The following USP15 variants were observed in gnomAD, a reference collection of about 807,000 sequenced individuals.
USP15 encodes ubiquitin specific peptidase 15.
In USP15, 18 loss-of-function variants were observed where a neutral mutation model predicts 127.1. The ratio of observed to expected loss-of-function variants is 0.14; its 90% confidence interval spans 0.10 to 0.21. The LOEUF is 0.21. Ranked by LOEUF, USP15 falls within the 10% of genes least tolerant of loss-of-function variation. USP15 has a pLI of 1.00. For missense variants in USP15, 805 were observed against 1,159.9 expected, an observed-to-expected ratio of 0.69 and a Z score of 4.44; for synonymous variants, 364 against 393.7, an observed-to-expected ratio of 0.92 and a Z score of 0.89.
chr12:62,290,004 T>A (rs1315947160), intron 1 of USP15, among the ~76,000 whole-genome samples: 1 of 152,144 alleles, frequency 6.6e-6, no homozygotes, highest in East Asian at 1.9e-4. Flanking sequence ...TAAAAAAAAA[T>A]TCTTTAAGAC....
At chr12:62,370,939 T>G (rs1014244764) in intron 8 of USP15, among the ~76,000 whole-genome samples, 2 of 152,198 alleles carry the variant, frequency 1.3e-5, no homozygotes, top group Admixed American at 6.5e-5. Flanking sequence ...TTATCCCAAG[T>G]CCTGTTCATT....
At chr12:62,350,317 A>G (rs144242597) in intron 7 of USP15, among the ~76,000 whole-genome samples, 1 of 152,126 alleles carries the variant, frequency 6.6e-6, no homozygotes, top group Admixed American at 6.6e-5. Context: ...TTTATTTTCT[A>G]ACAGCTCAGA....
intron 1 of USP15, among the ~76,000 whole-genome samples, chr12:62,267,769 T>C (rs937249122): frequency 3.9e-5 from 6 of 152,108 alleles, no homozygotes; most frequent in African/African-American, 1.2e-4. Flanking sequence ...ATTCTAAGTT[T>C]AGAGCCAGTT....
At chr12:62,298,994 T>G (rs2064219391) in intron 2 of USP15, among the ~76,000 whole-genome samples, 1 of 152,102 alleles carries the variant, frequency 6.6e-6, no homozygotes, top group Non-Finnish European at 1.5e-5. Context: ...TTGTACCCAT[T>G]AAGAATCACA....
rs180974504 is a variant in USP15, at chr12:62,345,470, G to A, written c.684-3751G>A. Among the ~76,000 whole-genome samples the A allele has an allele frequency of 1.3e-4, 20 of 152,102 alleles. No homozygotes were observed. The East Asian group carries it at 2.5e-3, about 19-fold the overall frequency. On this transcript the variant is annotated intron_variant, in intron 6 of 21. Transcript: ENST00000280377. ...AGGAAGTTTTAAACTTTCCCACATC[G>A]TCCTGTCTCCTGAGTCCTCCAAGTC...
chr12:62,381,429 G>A, intron 8 of USP15, 61 bp from the exon 9 acceptor site: 1 of 1,394,186 alleles, frequency 7.2e-7, no homozygotes, highest in Non-Finnish European at 9.6e-7. Flanking sequence ...TCATATTAAT[G>A]TGTTTTAAGA....
chr12:62,360,320 T>C (rs1257476410), intron 8 of USP15, among the ~76,000 whole-genome samples: 1 of 152,128 alleles, frequency 6.6e-6, no homozygotes, highest in Admixed American at 6.6e-5. Flanking sequence ...CAAGCATTTT[T>C]AAGGTCAGCT....
intron 6 of USP15, among the ~76,000 whole-genome samples, chr12:62,347,540 A>C (rs1252733089): frequency 2.0e-5 from 3 of 151,994 alleles, no homozygotes; most frequent in African/African-American, 7.2e-5. Context: ...ATTTATTATA[A>C]CTCAGTCTCT....
At chr12:62,279,646 A>G (rs67044039) in intron 1 of USP15, among the ~76,000 whole-genome samples, 34,134 of 152,058 alleles carry the variant, frequency 0.22, 4,171 homozygotes, top group African/African-American at 0.34. Flanking sequence ...GTTTTTTTCA[A>G]TAATAGCCAT....
chr12:62,319,711 A>G (rs1295326604), intron 4 of USP15, among the ~76,000 whole-genome samples: 1 of 152,180 alleles, frequency 6.6e-6, no homozygotes, highest in Non-Finnish European at 1.5e-5. Flanking sequence ...ATGAAGAGGA[A>G]ATTTCCACAT....
chr12:62,313,947 A>G (rs750107122), intron 3 of USP15: 44 of 599,116 alleles, frequency 7.3e-5, no homozygotes, highest in Middle Eastern at 8.5e-4. Flanking sequence ...CCCTTTTGCC[A>G]TATTTGTCTA....
chr12:62,353,997 G>A (rs2066041995), intron 7 of USP15, among the ~76,000 whole-genome samples: 1 of 151,868 alleles, frequency 6.6e-6, no homozygotes. Flanking sequence ...TCAGAGTTGA[G>A]GAGTTGACCT....
intron 1 of USP15, among the ~76,000 whole-genome samples, chr12:62,264,790 A>G (rs527601926): frequency 6.6e-6 from 1 of 152,362 alleles, no homozygotes; most frequent in African/African-American, 2.4e-5. Context: ...ATTACTCAAC[A>G]TGAATTTCAA....
At chr12:62,294,343 G>A (rs1182599557) in intron 2 of USP15, 37 bp downstream of exon 2, 6 of 1,585,346 alleles carry the variant, frequency 3.8e-6, no homozygotes, top group African/African-American at 2.7e-5. Flanking sequence ...TTGTAAATGT[G>A]TTAAATTTCA....
chr12:62,324,843 T>A (rs2065083877), intron 5 of USP15, among the ~76,000 whole-genome samples: 1 of 151,964 alleles, frequency 6.6e-6, no homozygotes, highest in South Asian at 2.1e-4. Context: ...AGGCTCTAAA[T>A]GCCAATTTAT....
chr12:62,369,213 A>C (rs1228529443), intron 8 of USP15, among the ~76,000 whole-genome samples: 1 of 152,256 alleles, frequency 6.6e-6, no homozygotes, highest in Non-Finnish European at 1.5e-5. Flanking sequence ...AGGCTGTATC[A>C]GGAGGGTGAA....
chr12:62,297,898 C>T (rs1009258163), intron 2 of USP15, among the ~76,000 whole-genome samples: 4 of 152,018 alleles, frequency 2.6e-5, no homozygotes, highest in Admixed American at 1.3e-4. Flanking sequence ...CTGAGTTACA[C>T]GAAAACATAG....
At chr12:62,303,497 T>C (rs4545612) in intron 3 of USP15, 50,309 of 151,772 alleles carry the variant, frequency 0.33, 8,887 homozygotes, top group African/African-American at 0.46. Flanking sequence ...GGTAAATGAG[T>C]GAACCTTACA....
chr12:62,393,156 C>A lies in USP15; in HGVS notation c.2524C>A (p.Arg842=). 1 of 1,613,760 alleles carries A rather than the reference C, an allele frequency of 6.2e-7. No homozygotes were observed. The part of the protein sequence containing the change: ...VVHLKRFSYS[R]YMRDKLDTLV... Reference sequence around the variant, plus strand: ...ACATCTCAAGCGATTTTCTTACAGTCGATACATGAGAGACAAGTTGGATAC... The same window carrying A: ...ACATCTCAAGCGATTTTCTTACAGTAGATACATGAGAGACAAGTTGGATAC... Residue 842 remains arginine (R), a synonymous_variant, in exon 19 of 22, where the codon CGA becomes AGA. Coordinates refer to ENST00000280377, the MANE Select transcript of USP15 (RefSeq NM_001252078.2).
Sources: allele counts gnomAD v4.1 joint callset (sites outside exome capture counted in the v4.1 genomes callset), GRCh38; gene constraint gnomAD v4.1.1; transcripts MANE v1.5; gene names NCBI Gene and HGNC (gene_info 2026-07-23, HGNC 2026-07-21).